COL11A1: variants seen among roughly 807,000 people sequenced by gnomAD.
COL11A1 encodes collagen type XI alpha 1 chain.
Under a neutral mutation model 265.2 loss-of-function variants are expected in COL11A1, and 74 were observed. That is an observed-to-expected ratio of 0.28 (90% CI 0.23 to 0.34). The LOEUF is 0.34. Ranked by LOEUF, COL11A1 falls within the 10% of genes least tolerant of loss-of-function variation. The probability of loss-of-function intolerance (pLI) is 1.00; values close to 1 mark genes in which losing one functional copy is unlikely to be tolerated. For missense variants in COL11A1, 2,165 were observed against 2,263.6 expected (o/e 0.96, Z 0.88); for synonymous variants, 816 against 727.6 (o/e 1.12, Z -1.96).
intron 20 of COL11A1, 25 bp from the exon 21 acceptor site, chr1:103,003,293 C>T: frequency 1.2e-6 from 2 of 1,605,954 alleles, no homozygotes; most frequent in Admixed American, 1.7e-5. Flanking sequence ...AAAAGCACGC[C>T]TTTATTAAAA....
At chr1:102,937,834 A>G (rs1658307949) in intron 44 of COL11A1, among the ~76,000 whole-genome samples, 1 of 152,162 alleles carries the variant, frequency 6.6e-6, no homozygotes, top group African/African-American at 2.4e-5. Context: ...GTATTCATTT[A>G]TAGTAACACA....
intron 4 of COL11A1, among the ~76,000 whole-genome samples, chr1:103,060,388 G>A (rs915684560): frequency 6.6e-6 from 1 of 152,074 alleles, no homozygotes; most frequent in Non-Finnish European, 1.5e-5. Context: ...TTATATAAGT[G>A]AGAAGCTTAA....
intron 39 of COL11A1, 52 bp downstream of exon 39, chr1:102,962,601 A>G (rs1661023892): frequency 6.8e-7 from 1 of 1,476,104 alleles, no homozygotes; most frequent in Non-Finnish European, 9.5e-7. Context: ...GAGTATAGTT[A>G]AACATAAATT....
intron 54 of COL11A1, among the ~76,000 whole-genome samples, chr1:102,900,320 C>T (rs985126230): frequency 1.3e-5 from 2 of 151,958 alleles, no homozygotes; most frequent in African/African-American, 4.8e-5. Context: ...CATATTTAAG[C>T]AAAAGGAATT....
chr1:103,070,959 C>T (rs755778300), intron 4 of COL11A1, among the ~76,000 whole-genome samples: 28 of 151,866 alleles, frequency 1.8e-4, no homozygotes, highest in Non-Finnish European at 3.5e-4. Flanking sequence ...CCATCTCAAA[C>T]GCCATCTCAA....
chr1:103,050,391 A>G (rs1010632549), intron 4 of COL11A1, among the ~76,000 whole-genome samples: 2 of 152,136 alleles, frequency 1.3e-5, no homozygotes, highest in Admixed American at 6.5e-5. Context: ...AGTTGATCGC[A>G]TCGGCTACTG....
chr1:102,927,513 G>C (rs7529010), intron 46 of COL11A1, among the ~76,000 whole-genome samples: 3,103 of 152,178 alleles, frequency 0.02, 106 homozygotes, highest in African/African-American at 0.071. Context: ...TCAGGAGATC[G>C]AGACCATCCT....
chr1:103,024,897 C>A (rs1571075036), intron 7 of COL11A1, among the ~76,000 whole-genome samples: 2 of 151,900 alleles, frequency 1.3e-5, no homozygotes, highest in African/African-American at 4.8e-5. Flanking sequence ...ATGTTGTATT[C>A]TTCATGATCA....
intron 1 of COL11A1, among the ~76,000 whole-genome samples, chr1:103,101,285 G>C (rs145640370): frequency 6.6e-6 from 1 of 152,046 alleles, no homozygotes; most frequent in East Asian, 1.9e-4. Context: ...CTAAAAGCCA[G>C]TGAAATAATT....
chr1:103,016,626 C>A (rs1052646167), intron 11 of COL11A1, among the ~76,000 whole-genome samples: 1 of 151,618 alleles, frequency 6.6e-6, no homozygotes, highest in African/African-American at 2.4e-5. Context: ...AGCGCCCAAC[C>A]AATATATAAA....
At chr1:102,997,530 G>A (rs1664744561) in intron 25 of COL11A1, among the ~76,000 whole-genome samples, 1 of 151,934 alleles carries the variant, frequency 6.6e-6, no homozygotes, top group Non-Finnish European at 1.5e-5. Flanking sequence ...ACATGTGGAT[G>A]AGACATCTGA....
At chr1:102,979,981 C>G (rs184612230) in intron 31 of COL11A1, among the ~76,000 whole-genome samples, 2 of 152,186 alleles carry the variant, frequency 1.3e-5, no homozygotes, top group Admixed American at 1.3e-4. Context: ...ACAACTATAT[C>G]TAGCTGAAAG....
intron 46 of COL11A1, among the ~76,000 whole-genome samples, chr1:102,933,705 A>C (rs1657806010): frequency 6.6e-6 from 1 of 152,028 alleles, no homozygotes; most frequent in African/African-American, 2.4e-5. Context: ...GCCACCTTGC[A>C]GTTTGATCTC....
chr1:103,081,540 G>A (rs906241914), intron 2 of COL11A1, among the ~76,000 whole-genome samples: 7 of 151,354 alleles, frequency 4.6e-5, no homozygotes, highest in Admixed American at 4.6e-4. Flanking sequence ...GTTTGTTCTT[G>A]TTCACCACAA....
chr1:103,047,531 C>T (rs112808995), intron 4 of COL11A1, among the ~76,000 whole-genome samples: 26,822 of 152,120 alleles, frequency 0.18, 2,440 homozygotes, highest in Middle Eastern at 0.2. Context: ...TCTGGATATA[C>T]AATCATGTCA....
At chr1:103,038,860 G>A (rs1033072707) in intron 4 of COL11A1, among the ~76,000 whole-genome samples, 12 of 152,156 alleles carry the variant, frequency 7.9e-5, no homozygotes. Flanking sequence ...ACATATATTA[G>A]TAAAAAATAT....
chr1:102,976,333 C>T (rs1662485989), intron 35 of COL11A1, among the ~76,000 whole-genome samples: 1 of 91,540 alleles, frequency 1.1e-5, no homozygotes. Flanking sequence ...GAGTCTTGCT[C>T]TGTTGCCCAG....
chr1:102,997,128 T>A lies in COL11A1; in HGVS notation c.2197-4A>T. 6.2e-7 allele frequency: 1 copy of A among 1,610,910 alleles called. No homozygotes were observed. Among genetic ancestry groups the A allele is most frequent in the Non-Finnish European group, 8.5e-7 (1 of 1,177,482 alleles). On this transcript the variant is annotated splice_polypyrimidine_tract_variant and splice_region_variant and intron_variant, in intron 25 of 66. Coordinates refer to ENST00000370096, the MANE Select transcript of COL11A1 (RefSeq NM_001854.4). ...GGCCTTCTTTCCCAGGATGACCCTA[T>A]ATTTAGCAAAAACATACACTGATAA...
chr1:102,898,923 A>G lies in COL11A1; in HGVS notation c.4140+18T>C, dbSNP rs1252760971. On this transcript the variant is annotated intron_variant, in intron 55 of 66. Transcript: ENST00000370096. ...ATAATATATAATATATATTATGTAT[A>G]TATTATTTTTTTTTTACCTTAGCAC... The G allele has an allele frequency of 7.8e-7, 1 of 1,281,750 alleles. No individual in the cohort carries two copies. Among genetic ancestry groups the G allele is most frequent in the Non-Finnish European group, 1.1e-6 (1 of 933,222 alleles). 79.4% of individuals were successfully genotyped at this position (1,281,750 alleles called of 1,614,324 possible).
Sources: gnomAD v4.1 joint callset for allele counts (sites outside exome capture counted in the v4.1 genomes callset) on GRCh38, gnomAD v4.1.1 for gene constraint, MANE v1.5 for transcripts, NCBI Gene and HGNC (gene_info 2026-07-23, HGNC 2026-07-21) for gene names.